The following MYT1L variants were observed in gnomAD, a reference collection of about 807,000 sequenced individuals.
MYT1L encodes myelin transcription factor 1-like protein.
Under a neutral mutation model 126.7 loss-of-function variants are expected in MYT1L, and 12 were observed. The ratio of observed to expected loss-of-function variants is 0.09; its 90% CI spans 0.06 to 0.15. The LOEUF is 0.15. MYT1L is among the 10% of genes least tolerant of loss of function. MYT1L has a pLI of 1.00. For synonymous variants in MYT1L, 541 were observed against 604.2 expected, an observed-to-expected ratio of 0.90 and a Z score of 1.53; for missense variants, 979 against 1,585.2, an observed-to-expected ratio of 0.62 and a Z score of 6.49.
At chr2:2,155,258 C>T (rs1366816949) in intron 3 of MYT1L, among the ~76,000 whole-genome samples, 1 of 152,166 alleles carries the variant, frequency 6.6e-6, no homozygotes, top group African/African-American at 2.4e-5. Context: ...GTGTTGTGAT[C>T]ACCAAATATC....
At chr2:1,867,370 C>T (rs1339236513) in intron 18 of MYT1L, among the ~76,000 whole-genome samples, 4 of 152,162 alleles carry the variant, frequency 2.6e-5, no homozygotes, top group Non-Finnish European at 4.4e-5. Context: ...GGCTCTCACC[C>T]CGGTGCCCCA....
rs759929420 is a variant in MYT1L, at chr2:1,892,103, C to T, written c.2217G>A (p.Leu739=). 18 of 1,545,592 alleles carry T rather than the reference C, an allele frequency of 1.2e-5. No homozygotes were observed. In the South Asian group the frequency reaches 2.0e-4, roughly 17 times the overall value. ...GCGGCATCTCGCGGCAGCGCGTGGACAGGTTGAGGATGGCGGTGGCCGCCA... is the reference window on the plus strand; with the variant it reads ...GCGGCATCTCGCGGCAGCGCGTGGATAGGTTGAGGATGGCGGTGGCCGCCA... The part of the protein sequence containing the change: ...AHMAATAILN[L]STRCREMPQN... Residue 739 remains leucine (L), a synonymous_variant, in exon 15 of 25, where the codon CTG becomes CTA. Transcript: ENST00000647738.
chr2:2,033,934 G>A (rs2066707363), intron 4 of MYT1L, among the ~76,000 whole-genome samples: 1 of 152,164 alleles, frequency 6.6e-6, no homozygotes, highest in African/African-American at 2.4e-5. Context: ...GTAATGAGAA[G>A]GGGTGCATTA....
Position 1,910,150 on chromosome 2 carries a change from G to A in MYT1L, c.1817+90C>T. The A allele has an allele frequency of 1.7e-6, 2 of 1,203,762 alleles. No individual in the cohort carries two copies. The highest frequency in any genetic ancestry group is 2.4e-6 in the Non-Finnish European group (2 of 839,828). 74.6% of individuals were successfully genotyped at this position (1,203,762 alleles called of 1,614,324 possible). The stretch of plus-strand genomic sequence containing the variant: ...TCCAGTCCCTGCCCCTGCTGCTGTA[G>A]GGACATGCCCTGAGCGGGTGTCCCC... On this transcript the variant is annotated intron_variant, in intron 13 of 24. Transcript: ENST00000647738. This position sits in a 1 kb window ranked among gnomAD's most constrained non-coding sequence, Gnocchi z 4.8.
intron 3 of MYT1L, among the ~76,000 whole-genome samples, chr2:2,137,749 C>T (rs1014223935): frequency 1.3e-5 from 2 of 152,062 alleles, no homozygotes; most frequent in South Asian, 4.1e-4. Context: ...AGAAGAAAAC[C>T]TAGGCACTAC....
chr2:2,286,276 C>T (rs1317665830), intron 1 of MYT1L, among the ~76,000 whole-genome samples: 1 of 152,102 alleles, frequency 6.6e-6, no homozygotes, highest in Non-Finnish European at 1.5e-5. Context: ...ATTACCACAC[C>T]CGGCCTGTTC....
intron 11 of MYT1L, among the ~76,000 whole-genome samples, chr2:1,914,470 TC>T (rs1053132196): frequency 1.3e-5 from 2 of 152,088 alleles, no homozygotes; most frequent in African/African-American, 4.8e-5. Context: ...GCTTTATGCC[TC>T]CTCCCTAAGC....
At chr2:1,997,693 T>C (rs1343235384) in intron 4 of MYT1L, among the ~76,000 whole-genome samples, 1 of 152,162 alleles carries the variant, frequency 6.6e-6, no homozygotes, top group Non-Finnish European at 1.5e-5. Context: ...CACACAGCCT[T>C]ATCCTCCCTC....
chr2:2,252,770 A>C (rs1371276251), intron 2 of MYT1L, among the ~76,000 whole-genome samples: 9 of 151,916 alleles, frequency 5.9e-5, no homozygotes, highest in South Asian at 2.1e-4. Context: ...CCCCCACGAA[A>C]AGCATCCCTG....
chr2:1,850,212 CTT>C (rs2043071390), intron 19 of MYT1L, among the ~76,000 whole-genome samples: 1 of 67,032 alleles, frequency 1.5e-5, no homozygotes, highest in African/African-American at 6.2e-5. Context: ...TCCTTCCTTC[CTT>C]CCTTCCTTCC....
intron 3 of MYT1L, among the ~76,000 whole-genome samples, chr2:2,064,926 C>G (rs765642479): frequency 3.9e-5 from 6 of 152,162 alleles, no homozygotes; most frequent in Non-Finnish European, 8.8e-5. Flanking sequence ...GGTACAGTGA[C>G]TCTTGTGCCT....
intron 21 of MYT1L, among the ~76,000 whole-genome samples, chr2:1,823,470 G>C (rs1471635160): frequency 1.3e-5 from 2 of 152,240 alleles, no homozygotes; most frequent in Non-Finnish European, 1.5e-5. Flanking sequence ...CAGTGGGCTG[G>C]AGTGGGTGTG....
chr2:1,854,855 G>A (rs900426377), intron 18 of MYT1L, among the ~76,000 whole-genome samples: 8 of 152,132 alleles, frequency 5.3e-5, no homozygotes, highest in Admixed American at 1.3e-4. Context: ...GCCTGCATAG[G>A]TTCCTGTGAA....
chr2:2,186,272 C>T (rs1401934786), intron 2 of MYT1L, among the ~76,000 whole-genome samples: 2 of 148,556 alleles, frequency 1.3e-5, no homozygotes, highest in Admixed American at 6.7e-5. Flanking sequence ...TTCCCGAGTC[C>T]CGCGTTCCTT....
In MYT1L at chr2:1,857,294, A is replaced by C. The variant is rs80004458; in HGVS notation, c.2712-5591T>G. ...TCTTGATTGAGTTAACTACTTATTT[A>C]TTTTTTTTAAAAGTCTTCTAAATGA... On this transcript the variant is annotated intron_variant, in intron 18 of 24. Transcript: ENST00000647738. 3.2e-3 allele frequency among the ~76,000 whole-genome samples: 493 copies of C among 152,272 alleles called. 4 individuals carry two copies. Among genetic ancestry groups the C allele is most frequent in the African/African-American group, 0.011 (473 of 41,572 alleles).
intron 4 of MYT1L, among the ~76,000 whole-genome samples, chr2:2,026,342 A>C (rs2065569618): frequency 6.6e-6 from 1 of 152,140 alleles, no homozygotes; most frequent in African/African-American, 2.4e-5. Flanking sequence ...AGAAGGGTTC[A>C]GAGACCGGGT....
Position 1,790,428 on chromosome 2 carries a change from T to C in MYT1L, c.*1439A>G, listed in dbSNP as rs1377532003. 6.6e-6 allele frequency: 1 copy of C among 152,204 alleles called. No homozygotes were observed. The highest frequency in any genetic ancestry group is 1.9e-4 in the East Asian group (1 of 5,200). The allele number at this position is 152,204 out of a possible 1,614,324, so 9.4% of individuals were successfully genotyped here. On this transcript the variant is annotated 3_prime_UTR_variant, in exon 25 of 25. Transcript: ENST00000647738. ...AAAGTGGTCTTATGCATACATATAG[T>C]GCAGTCATTGGGAGTAAAACAATCA... is the stretch of plus-strand genomic sequence containing the variant.
rs1362051694 is a variant in MYT1L at position 1,887,871 on chromosome 2, G to GAC, written c.2521-264_2521-263dup. Reference sequence around the variant, plus strand: ...TTCACCTGGCTGTGCTCATCACATGGACACACACACGGTCTGGTAGCCAGA... The same window carrying GAC: ...TTCACCTGGCTGTGCTCATCACATGGACACACACACACGGTCTGGTAGCCAGA... On this transcript the variant is annotated intron_variant, in intron 16 of 24. Transcript: ENST00000647738. The surrounding 1 kb of genome is among the most constrained non-coding windows in gnomAD (Gnocchi z 4.8). 6.6e-6 allele frequency among the ~76,000 whole-genome samples: 1 copy of GAC among 152,122 alleles called. No individual in the cohort carries two copies. Among genetic ancestry groups the GAC allele is most frequent in the Admixed American group, 6.5e-5 (1 of 15,278 alleles).
At chr2:2,005,520 T>TTTCCTGCATGTGTTCA (rs1394386499) in intron 4 of MYT1L, among the ~76,000 whole-genome samples, 8 of 150,650 alleles carry the variant, frequency 5.3e-5, no homozygotes, top group Non-Finnish European at 8.9e-5. Flanking sequence ...GCATGTGTTC[T>TTTCCTGCATGTGTTCA]TTCCTGCAGG....
Sources: gnomAD v4.1 joint callset for allele counts (sites outside exome capture counted in the v4.1 genomes callset) on GRCh38, gnomAD v4.1.1 for gene constraint, Gnocchi (gnomAD v3.1) non-coding constraint, MANE v1.5 for transcripts, NCBI Gene and HGNC (gene_info 2026-07-23, HGNC 2026-07-21) for gene names.